CNTNAP3: variants seen among roughly 807,000 people sequenced by gnomAD.
CNTNAP3 encodes contactin-associated protein-like 3.
A neutral mutation model predicts 92.1 loss-of-function variants in CNTNAP3; 36 were observed. The ratio of observed to expected loss-of-function variants is 0.39; its 90% CI spans 0.30 to 0.52. CNTNAP3 has a LOEUF of 0.52. CNTNAP3 is among the 20% of genes least tolerant of loss of function. CNTNAP3 has a pLI of 0.76. For missense variants in CNTNAP3, 534 were observed against 1,069.6 expected (o/e 0.50, Z 6.98); for synonymous variants, 232 against 422.3 (o/e 0.55, Z 5.53).
chr9:39,135,939 C>T (rs1821419268), intron 12 of CNTNAP3, among the ~76,000 whole-genome samples: 1 of 151,688 alleles, frequency 6.6e-6, no homozygotes. Context: ...ACCATCCTGG[C>T]TAACATGGTA....
intron 14 of CNTNAP3, among the ~76,000 whole-genome samples, chr9:39,112,883 C>T (rs1487182034): frequency 6.6e-6 from 1 of 152,122 alleles, no homozygotes; most frequent in East Asian, 1.9e-4. Context: ...AATTATCTTG[C>T]TTATCCTTTC....
At chr9:39,094,464 T>C (rs375610489) in intron 18 of CNTNAP3, among the ~76,000 whole-genome samples, 41 of 151,794 alleles carry the variant, frequency 2.7e-4, no homozygotes, top group East Asian at 2.1e-3. Context: ...GATCTGCCTA[T>C]ATATCTTCTA....
At chr9:39,161,656 C>CAATAAT (rs4062749) in intron 9 of CNTNAP3, among the ~76,000 whole-genome samples, 4,684 of 124,332 alleles carry the variant, frequency 0.038, 211 homozygotes, top group Middle Eastern at 0.062. Context: ...TCTCTACAAA[C>CAATAAT]AATAATAATA....
intron 3 of CNTNAP3, among the ~76,000 whole-genome samples, chr9:39,209,599 TTCCCTCCC>T (rs60690302): frequency 9.0e-4 from 39 of 43,528 alleles, no homozygotes; most frequent in South Asian, 3.4e-3. Flanking sequence ...CTTCCCTTCC[TTCCCTCCC>T]TCCCTCCCTC....
intron 16 of CNTNAP3, among the ~76,000 whole-genome samples, 163 bp from the exon 17 acceptor site, chr9:39,102,878 T>C (rs1341170052): frequency 1.3e-5 from 2 of 152,114 alleles, no homozygotes; most frequent in African/African-American, 4.8e-5. Flanking sequence ...TAAATCTGTA[T>C]CCTGGAGGAA....
chr9:39,148,813 C>T (rs988113000), intron 10 of CNTNAP3, among the ~76,000 whole-genome samples: 7 of 152,186 alleles, frequency 4.6e-5, no homozygotes, highest in Admixed American at 2.6e-4. Flanking sequence ...GCGTGAGCCA[C>T]GGCGCCGGGC....
chr9:39,139,200 A>G (rs1161972444), intron 12 of CNTNAP3, among the ~76,000 whole-genome samples: 1 of 152,124 alleles, frequency 6.6e-6, no homozygotes, highest in African/African-American at 2.4e-5. Context: ...GTCAGTAGAT[A>G]CTTCCCTAAC....
intron 13 of CNTNAP3, among the ~76,000 whole-genome samples, chr9:39,132,249 C>T (rs1264134596): frequency 6.6e-6 from 1 of 151,992 alleles, no homozygotes; most frequent in Non-Finnish European, 1.5e-5. Context: ...TGGAGAGCAG[C>T]AGTGAGTCCT....
chr9:39,120,854 G>C (rs1158724718), intron 13 of CNTNAP3, among the ~76,000 whole-genome samples: 2 of 152,090 alleles, frequency 1.3e-5, no homozygotes. Context: ...AAATGTAATA[G>C]ACTATCCTTA....
intron 13 of CNTNAP3, among the ~76,000 whole-genome samples, chr9:39,120,848 G>C (rs2778185): frequency 6.6e-6 from 1 of 152,102 alleles, no homozygotes; most frequent in African/African-American, 2.4e-5. Flanking sequence ...ATGGATAAAT[G>C]TAATAGACTA....
intron 13 of CNTNAP3, among the ~76,000 whole-genome samples, chr9:39,123,569 A>AG (rs1266785695): frequency 1.3e-5 from 2 of 152,164 alleles, no homozygotes; most frequent in Non-Finnish European, 2.9e-5. Context: ...AACACCAAGC[A>AG]GGTTAAATAC....
At chr9:39,099,429 A>C (rs1826401301) in intron 18 of CNTNAP3, among the ~76,000 whole-genome samples, 1 of 152,176 alleles carries the variant, frequency 6.6e-6, no homozygotes, top group Non-Finnish European at 1.5e-5. Flanking sequence ...ATAAGAAAAG[A>C]CATTTCTATA....
At chr9:39,136,886 G>A (rs1821450755) in intron 12 of CNTNAP3, among the ~76,000 whole-genome samples, 1 of 152,152 alleles carries the variant, frequency 6.6e-6, no homozygotes, top group Admixed American at 6.5e-5. Flanking sequence ...GGCAATGAGA[G>A]TAAAACTCCA....
At chr9:39,109,743 G>C (rs1034809115) in intron 14 of CNTNAP3, among the ~76,000 whole-genome samples, 2 of 152,102 alleles carry the variant, frequency 1.3e-5, no homozygotes, top group African/African-American at 4.8e-5. Context: ...TTCACCCAAA[G>C]CAAGAGGTTA....
At chr9:39,107,305 G>A (rs1223479592) in intron 15 of CNTNAP3, among the ~76,000 whole-genome samples, 1 of 151,830 alleles carries the variant, frequency 6.6e-6, no homozygotes, top group Non-Finnish European at 1.5e-5. Context: ...GAGGGAGGGA[G>A]GGAGTGGGGA....
chr9:39,104,377 T>C (rs1426408979), intron 15 of CNTNAP3, among the ~76,000 whole-genome samples: 7 of 151,910 alleles, frequency 4.6e-5, no homozygotes, highest in African/African-American at 1.5e-4. Context: ...TCATTTGAGA[T>C]ATCTATTAGG....
chr9:39,125,715 G>A (rs1821138865), intron 13 of CNTNAP3, among the ~76,000 whole-genome samples: 1 of 152,046 alleles, frequency 6.6e-6, no homozygotes, highest in Non-Finnish European at 1.5e-5. Flanking sequence ...TGCAGAGCAA[G>A]GAAAATTATC....
rs1826048931 is a variant in CNTNAP3 at position 39,085,733 on chromosome 9, T to C, written c.3442+3A>G. 11 of 1,532,992 alleles carry C rather than the reference T, an allele frequency of 7.2e-6. No homozygotes were observed. In the East Asian group the frequency reaches 2.5e-4, roughly 35 times the overall value. The allele number at this position is 1,532,992 out of a possible 1,614,324, so 95.0% of individuals were successfully genotyped here. Reference sequence around the variant, plus strand: ...TTGGGAAAAAGCTCTTTCTCCTACTTACCTAAAACCTTTCCCAATATGAGA... The same window carrying C: ...TTGGGAAAAAGCTCTTTCTCCTACTCACCTAAAACCTTTCCCAATATGAGA... On this transcript the variant is annotated splice_donor_region_variant and intron_variant, in intron 21 of 23. Transcript: ENST00000297668.
intron 15 of CNTNAP3, 128 bp from the exon 16 acceptor site, chr9:39,104,042 G>A (rs1826534210): frequency 6.2e-6 from 9 of 1,440,918 alleles, no homozygotes; most frequent in African/African-American, 1.4e-5. Context: ...TTCACTGGGG[G>A]TTCTGAGCAT....
Sources: gnomAD v4.1 joint callset for allele counts (sites outside exome capture counted in the v4.1 genomes callset) on GRCh38, gnomAD v4.1.1 for gene constraint, MANE v1.5 for transcripts, NCBI Gene and HGNC (gene_info 2026-07-23, HGNC 2026-07-21) for gene names.